The following PTPRG variants were observed in gnomAD, a reference collection of about 807,000 sequenced individuals.
PTPRG encodes receptor-type tyrosine-protein phosphatase gamma.
A neutral mutation model predicts 165.3 loss-of-function variants in PTPRG; 102 were observed. The ratio of observed to expected loss-of-function variants is 0.62; its 90% CI spans 0.53 to 0.73. PTPRG has a LOEUF of 0.73. PTPRG is among the 30% of genes least tolerant of loss of function. The probability of loss-of-function intolerance (pLI) is 0.00; values close to 1 mark genes in which losing one functional copy is unlikely to be tolerated. For missense variants in PTPRG, 1,866 were observed against 1,861.4 expected, an observed-to-expected ratio of 1.00 and a Z score of -0.05; for synonymous variants, 675 against 669.5, an observed-to-expected ratio of 1.01 and a Z score of -0.13.
chr3:62,074,178 A>AGT (rs777598058), intron 4 of PTPRG, among the ~76,000 whole-genome samples: 162 of 65,006 alleles, frequency 2.5e-3, no homozygotes, highest in African/African-American at 6.9e-3. Flanking sequence ...AAAAAAAGTG[A>AGT]GAGTGTGTGT....
At chr3:62,192,484 C>CT (rs1182504030) in intron 9 of PTPRG, among the ~76,000 whole-genome samples, 1 of 138,212 alleles carries the variant, frequency 7.2e-6, no homozygotes, top group East Asian at 2.4e-4. Flanking sequence ...TCTCGGCTCA[C>CT]TGCAAGCTCC....
chr3:61,743,396 G>C (rs886748442), intron 1 of PTPRG, among the ~76,000 whole-genome samples: 8 of 152,124 alleles, frequency 5.3e-5, no homozygotes, highest in African/African-American at 1.9e-4. Context: ...AGATTTTCCT[G>C]TATGATGGGA....
At chr3:62,275,996 C>G in intron 24 of PTPRG, 30 bp downstream of exon 24, 1 of 1,498,426 alleles carries the variant, frequency 6.7e-7, no homozygotes, top group Non-Finnish European at 9.3e-7. Context: ...TGTTAGTGAT[C>G]TTTTATACTG....
chr3:61,835,838 C>T lies in PTPRG; in HGVS notation c.190+86856C>T, dbSNP rs183527945. The stretch of plus-strand genomic sequence containing the variant: ...TGGATCACCTGAGAGGTCAGGAGTT[C>T]GAGATCAGCCTGGGCAACATGGTGA... On this transcript the variant is annotated intron_variant, in intron 2 of 29. Coordinates refer to ENST00000474889, the MANE Select transcript of PTPRG (RefSeq NM_002841.4). 2.9e-3 allele frequency among the ~76,000 whole-genome samples: 439 copies of T among 151,696 alleles called. 5 individuals carry two copies. The highest frequency in any genetic ancestry group is 9.6e-3 in the African/African-American group (396 of 41,372).
intron 1 of PTPRG, among the ~76,000 whole-genome samples, chr3:61,621,961 T>C (rs140321609): frequency 6.6e-6 from 1 of 152,186 alleles, no homozygotes; most frequent in Non-Finnish European, 1.5e-5. Context: ...GTAATTATTA[T>C]CTCCACAGTC....
At chr3:61,767,257 A>AAAAAAAAAAAAAAAAAAAT (rs2034054296) in intron 2 of PTPRG, among the ~76,000 whole-genome samples, 1 of 148,974 alleles carries the variant, frequency 6.7e-6, no homozygotes, top group African/African-American at 2.4e-5. Context: ...AAAAAAAAAA[A>AAAAAAAAAAAAAAAAAAAT]GAAAGTAGAA....
At chr3:61,596,435 G>C (rs901966964) in intron 1 of PTPRG, among the ~76,000 whole-genome samples, 1 of 59,952 alleles carries the variant, frequency 1.7e-5, no homozygotes, top group East Asian at 3.7e-4. Flanking sequence ...GTTTCAATTC[G>C]GATGGATTTG....
chr3:61,622,791 T>C (rs1204067356), intron 1 of PTPRG, among the ~76,000 whole-genome samples: 1 of 152,206 alleles, frequency 6.6e-6, no homozygotes, highest in Non-Finnish European at 1.5e-5. Flanking sequence ...AAGGGAAATA[T>C]ATTTTGGTTA....
At chr3:61,659,228 C>T in intron 1 of PTPRG, 2 of 825,140 alleles carry the variant, frequency 2.4e-6, no homozygotes, top group Non-Finnish European at 2.9e-6. Context: ...TAGCCGTCAG[C>T]CTGAATAGAT....
intron 7 of PTPRG, among the ~76,000 whole-genome samples, chr3:62,162,144 G>A (rs1379891846): frequency 6.6e-6 from 1 of 150,846 alleles, no homozygotes; most frequent in Non-Finnish European, 1.5e-5. Context: ...CGCTACACAC[G>A]AAGGGCATGA....
At chr3:62,186,379 G>A (rs745477151) in intron 8 of PTPRG, among the ~76,000 whole-genome samples, 1 of 152,024 alleles carries the variant, frequency 6.6e-6, no homozygotes, top group East Asian at 1.9e-4. Flanking sequence ...GTGATAAGGA[G>A]CTTGGTGGTC....
chr3:61,918,108 A>G (rs1324851691), intron 2 of PTPRG, among the ~76,000 whole-genome samples: 2 of 152,192 alleles, frequency 1.3e-5, no homozygotes, highest in Non-Finnish European at 2.9e-5. Flanking sequence ...GGTCAGTGAT[A>G]AATGAGATGA....
intron 1 of PTPRG, among the ~76,000 whole-genome samples, chr3:61,653,075 A>AT (rs371064211): frequency 0.033 from 5,015 of 152,234 alleles, 140 homozygotes; most frequent in African/African-American, 0.073. Flanking sequence ...GGGAAAAGTA[A>AT]TTTTTTTTAA....
chr3:61,847,784 A>T (rs1055067818), intron 2 of PTPRG, among the ~76,000 whole-genome samples: 2 of 152,260 alleles, frequency 1.3e-5, no homozygotes, highest in African/African-American at 4.8e-5. Flanking sequence ...GGGCTGGTCA[A>T]CATGTCCAGA....
chr3:62,165,687 G>A (rs1207773695), intron 7 of PTPRG, among the ~76,000 whole-genome samples: 1 of 152,102 alleles, frequency 6.6e-6, no homozygotes, highest in Non-Finnish European at 1.5e-5. Context: ...CTATGTAAAA[G>A]GCAGAAAAAA....
intron 1 of PTPRG, among the ~76,000 whole-genome samples, chr3:61,674,022 C>T (rs769725785): frequency 3.9e-5 from 5 of 127,952 alleles, no homozygotes; most frequent in Admixed American, 1.7e-4. Flanking sequence ...CACACACTGG[C>T]GTCTTTGTGG....
chr3:62,119,786 A>G (rs1174083725), intron 5 of PTPRG, among the ~76,000 whole-genome samples: 1 of 75,036 alleles, frequency 1.3e-5, no homozygotes, highest in African/African-American at 4.6e-5. Context: ...ACGCCTGGCT[A>G]ATTTTTTTTT....
chr3:62,278,329 G>A (rs1249251974), intron 26 of PTPRG, among the ~76,000 whole-genome samples: 1 of 151,914 alleles, frequency 6.6e-6, no homozygotes, highest in Non-Finnish European at 1.5e-5. Context: ...GCAGGGATAG[G>A]CTATTTTGTT....
chr3:61,776,084 A>T (rs2107052241), intron 2 of PTPRG, among the ~76,000 whole-genome samples: 1 of 45,456 alleles, frequency 2.2e-5, no homozygotes, highest in South Asian at 4.7e-4. Context: ...TAATAATAAT[A>T]AAATTAAAAA....
Sources: allele counts gnomAD v4.1 joint callset (sites outside exome capture counted in the v4.1 genomes callset), GRCh38; gene constraint gnomAD v4.1.1; transcripts MANE v1.5; gene names NCBI Gene and HGNC (gene_info 2026-07-23, HGNC 2026-07-21).